XYLB: variants seen among roughly 807,000 people sequenced by gnomAD.
The protein encoded by XYLB is xylulose kinase.
In XYLB, 62 loss-of-function variants were observed where a neutral mutation model predicts 78.7. That is an observed-to-expected ratio of 0.79 (90% CI 0.64 to 0.97). The LOEUF (loss-of-function observed/expected upper bound fraction) is 0.97. Among genes scored for constraint, XYLB ranks in the 50% least tolerant of loss-of-function variants. XYLB has a pLI of 0.00. For missense variants in XYLB, 687 were observed against 676.8 expected (o/e 1.02, Z -0.17); for synonymous variants, 245 against 247.4 (o/e 0.99, Z 0.09).
chr3:38,446,599 C>G, the XYLB span, among the ~76,000 whole-genome samples: 5 of 152,100 alleles, frequency 3.3e-5, no homozygotes, highest in Non-Finnish European at 7.4e-5. Context: ...GAATAGAGAA[C>G]CCAGAAATAA....
downstream of XYLB, among the ~76,000 whole-genome samples, chr3:38,424,536 T>C (rs370739676): frequency 1.3e-5 from 2 of 152,200 alleles, no homozygotes; most frequent in Non-Finnish European, 2.9e-5. Flanking sequence ...TTAAACGAAT[T>C]GAAGGTGCGG....
At chr3:38,411,766 T>C (rs1239150372) in intron 18 of XYLB, among the ~76,000 whole-genome samples, 1 of 152,042 alleles carries the variant, frequency 6.6e-6, no homozygotes, top group African/African-American at 2.4e-5. Flanking sequence ...CTAGGCAACA[T>C]TGCTTATGTA....
chr3:38,367,082 C>T (rs1360643313), intron 7 of XYLB, among the ~76,000 whole-genome samples: 1 of 151,988 alleles, frequency 6.6e-6, no homozygotes, highest in Non-Finnish European at 1.5e-5. Flanking sequence ...CAGGGGTTCT[C>T]CTGACCAGAA....
chr3:38,349,973 A>G (rs778154864), intron 2 of XYLB, among the ~76,000 whole-genome samples: 13 of 152,322 alleles, frequency 8.5e-5, no homozygotes, highest in Non-Finnish European at 1.8e-4. Flanking sequence ...CCTGTCTCCA[A>G]ATAATCACAA....
At chr3:38,390,900 A>G (rs1469242313) in intron 15 of XYLB, among the ~76,000 whole-genome samples, 2 of 152,184 alleles carry the variant, frequency 1.3e-5, no homozygotes, top group Non-Finnish European at 2.9e-5. Context: ...TTAATCAAAC[A>G]TCTGATGATC....
chr3:38,353,154 C>T (rs1156466675), intron 2 of XYLB, among the ~76,000 whole-genome samples: 1 of 151,800 alleles, frequency 6.6e-6, no homozygotes, highest in Non-Finnish European at 1.5e-5. Flanking sequence ...TATGAAGGAA[C>T]TCACCTATGT....
chr3:38,390,610 A>T (rs972324572), intron 15 of XYLB, among the ~76,000 whole-genome samples: 3 of 152,076 alleles, frequency 2.0e-5, no homozygotes, highest in African/African-American at 7.3e-5. Flanking sequence ...GCAGCCTTGA[A>T]TTCCTGGGCT....
chr3:38,396,458 TGAG>T (rs761024145), intron 16 of XYLB, among the ~76,000 whole-genome samples: 4 of 152,266 alleles, frequency 2.6e-5, no homozygotes, highest in Non-Finnish European at 2.9e-5. Flanking sequence ...TCAGCTTTCT[TGAG>T]GAGGTAGTGC....
chr3:38,354,441 CT>C (rs1705535041), intron 2 of XYLB, among the ~76,000 whole-genome samples: 1 of 150,996 alleles, frequency 6.6e-6, no homozygotes, highest in African/African-American at 2.4e-5. Flanking sequence ...CATGGCTATT[CT>C]TGTTCTTTTT....
the XYLB span, among the ~76,000 whole-genome samples, chr3:38,429,077 G>A: frequency 6.6e-6 from 1 of 152,188 alleles, no homozygotes; most frequent in African/African-American, 2.4e-5. Flanking sequence ...TTCCCAAGGT[G>A]GCTAACATCC....
At chr3:38,348,871 G>C (rs924922094) in intron 2 of XYLB, among the ~76,000 whole-genome samples, 1 of 152,166 alleles carries the variant, frequency 6.6e-6, no homozygotes, top group Non-Finnish European at 1.5e-5. Context: ...TGTGCCAGGT[G>C]CTAGGACCTG....
intron 12 of XYLB, among the ~76,000 whole-genome samples, chr3:38,375,519 T>C (rs1406981401): frequency 3.9e-5 from 6 of 152,214 alleles, no homozygotes; most frequent in African/African-American, 1.4e-4. Context: ...CTGTGTGACC[T>C]TGGGCAAACT....
intron 2 of XYLB, among the ~76,000 whole-genome samples, chr3:38,350,557 G>C (rs1364611958): frequency 6.6e-6 from 1 of 151,772 alleles, no homozygotes; most frequent in Non-Finnish European, 1.5e-5. Flanking sequence ...TTCCCCTGTT[G>C]TTTTCTTCAA....
chr3:38,379,389 C>T (rs1418428696), intron 15 of XYLB, 47 bp downstream of exon 15: 4 of 1,588,662 alleles, frequency 2.5e-6, no homozygotes, highest in African/African-American at 1.3e-5. Flanking sequence ...GGGCTCAGGG[C>T]CAGCTCACTC....
intron 15 of XYLB, among the ~76,000 whole-genome samples, chr3:38,393,466 A>T (rs893695792): frequency 2.2e-4 from 34 of 152,034 alleles, no homozygotes; most frequent in African/African-American, 8.0e-4. Context: ...TTTCTACTTC[A>T]TGGGTTTATT....
chr3:38,396,942 A>T, intron 16 of XYLB, 130 bp from the exon 17 acceptor site: 1 of 879,854 alleles, frequency 1.1e-6, no homozygotes, highest in Non-Finnish European at 1.8e-6. Context: ...TACTCCTCTT[A>T]AGGCAGTCGA....
chr3:38,362,361 C>T (rs1400634379), intron 3 of XYLB, among the ~76,000 whole-genome samples: 4 of 152,196 alleles, frequency 2.6e-5, no homozygotes, highest in Non-Finnish European at 5.9e-5. Flanking sequence ...CCTCAGCCTC[C>T]TGAGTAGCTG....
chr3:38,406,146 C>A (rs185333417), intron 18 of XYLB, among the ~76,000 whole-genome samples: 5 of 152,332 alleles, frequency 3.3e-5, no homozygotes, highest in Non-Finnish European at 5.9e-5. Context: ...CCAGTAGGGG[C>A]AGATTGACAG....
intron 18 of XYLB, among the ~76,000 whole-genome samples, chr3:38,406,944 G>C (rs1305237982): frequency 6.6e-6 from 1 of 151,334 alleles, no homozygotes; most frequent in African/African-American, 2.4e-5. Context: ...ATGGAACCAA[G>C]TTGGAAAACA....
Sources: allele counts gnomAD v4.1 joint callset (sites outside exome capture counted in the v4.1 genomes callset), GRCh38; gene constraint gnomAD v4.1.1; transcripts MANE v1.5; gene names NCBI Gene and HGNC (gene_info 2026-07-23, HGNC 2026-07-21).